ADGRB3: variants seen among roughly 807,000 people sequenced by gnomAD.
ADGRB3 encodes the protein brain-specific angiogenesis inhibitor 3.
In ADGRB3, 37 loss-of-function variants were observed where a neutral mutation model predicts 193.4. The observed-to-expected ratio is 0.19, with a 90% CI of 0.15 to 0.25. The LOEUF (loss-of-function observed/expected upper bound fraction) is 0.25, where lower values mean the gene tolerates loss of function less well. ADGRB3 is among the 10% of genes least tolerant of loss of function. The pLI is 1.00. For synonymous variants in ADGRB3, 690 were observed against 644.2 expected, an observed-to-expected ratio of 1.07 and a Z score of -1.08; for missense variants, 1,637 against 1,852.9, an observed-to-expected ratio of 0.88 and a Z score of 2.14.
chr6:68,993,804 G>T lies in ADGRB3; in HGVS notation c.1771G>T (p.Ala591Ser). Residue 591 changes from alanine (A) to serine (S), a missense_variant, in exon 11 of 32, where the codon GCA becomes TCA. This residue lies in a region of ADGRB3 where 641 missense variants were observed against 673.9 expected (regional missense o/e 0.95). Transcript: ENST00000370598. Reference sequence around the variant, plus strand: ...CCTTGCTAAGGGGCAGCGAATGCTGGCAGGTGATGGAATGTCCCAGGTGAC... The same window carrying T: ...CCTTGCTAAGGGGCAGCGAATGCTGTCAGGTGATGGAATGTCCCAGGTGAC... The part of the protein sequence containing the change: ...EHLAKGQRML[A>S]GDGMSQVTKT... 1 of 1,613,848 alleles carries T rather than the reference G, an allele frequency of 6.2e-7. No homozygotes were observed. The highest frequency in any genetic ancestry group is 8.5e-7 in the Non-Finnish European group (1 of 1,179,788).
At chr6:69,346,027 A>T (rs946196546) in intron 26 of ADGRB3, among the ~76,000 whole-genome samples, 1 of 152,106 alleles carries the variant, frequency 6.6e-6, no homozygotes, top group Non-Finnish European at 1.5e-5. Context: ...AGAATAAAAT[A>T]CAACTTACAA....
chr6:69,335,429 T>G (rs950034537), intron 24 of ADGRB3, among the ~76,000 whole-genome samples: 2 of 152,130 alleles, frequency 1.3e-5, no homozygotes, highest in African/African-American at 2.4e-5. Flanking sequence ...AAATGTTAAC[T>G]TATGTTATAA....
At chr6:69,146,697 T>C (rs1489661989) in intron 17 of ADGRB3, among the ~76,000 whole-genome samples, 2 of 152,232 alleles carry the variant, frequency 1.3e-5, no homozygotes, top group Non-Finnish European at 2.9e-5. Context: ...GTGGCCACTC[T>C]AGATAGGCTG....
rs943688199 is a variant in ADGRB3, at chr6:69,389,502, C to T, written c.*611C>T. ...TTGTATGGTGTAAATAAACTTTTGTCTACATATCAGTTTTTTAGTGCATTT... is the reference window on the plus strand; with the variant it reads ...TTGTATGGTGTAAATAAACTTTTGTTTACATATCAGTTTTTTAGTGCATTT... On this transcript the variant is annotated 3_prime_UTR_variant, in exon 32 of 32. Coordinates refer to ENST00000370598, the MANE Select transcript of ADGRB3 (RefSeq NM_001704.3). The T allele has an allele frequency of 6.6e-6, 1 of 152,364 alleles. No homozygotes were observed. The highest frequency in any genetic ancestry group is 2.4e-5 in the African/African-American group (1 of 41,376). 9.4% of individuals were successfully genotyped at this position (152,364 alleles called of 1,614,324 possible). A position where few individuals can be genotyped will look rare whatever the true frequency, so the allele number is the denominator to read the frequency against.
At chr6:69,351,869 C>T (rs1187726063) in intron 26 of ADGRB3, among the ~76,000 whole-genome samples, 2 of 152,148 alleles carry the variant, frequency 1.3e-5, no homozygotes, top group African/African-American at 4.8e-5. Context: ...GAGTGGTTAG[C>T]AAGGACCATT....
intron 20 of ADGRB3, among the ~76,000 whole-genome samples, chr6:69,242,453 G>A (rs78643471): frequency 0.046 from 6,981 of 151,856 alleles, 218 homozygotes; most frequent in Middle Eastern, 0.13. Flanking sequence ...TCAGTGAGTT[G>A]TCATGGCTAG....
At chr6:69,089,700 G>C (rs1357309868) in intron 17 of ADGRB3, among the ~76,000 whole-genome samples, 2 of 152,128 alleles carry the variant, frequency 1.3e-5, no homozygotes, top group African/African-American at 4.8e-5. Flanking sequence ...CTGTGAGCAT[G>C]GTCCAGGCTG....
chr6:68,687,133 AAATATC>A (rs903071758), intron 3 of ADGRB3, among the ~76,000 whole-genome samples: 1 of 151,994 alleles, frequency 6.6e-6, no homozygotes, highest in Admixed American at 6.6e-5. Flanking sequence ...TATATAGAGA[AAATATC>A]TATATACATG....
intron 13 of ADGRB3, among the ~76,000 whole-genome samples, chr6:69,021,819 T>C (rs569356256): frequency 5.3e-5 from 8 of 151,902 alleles, no homozygotes; most frequent in Non-Finnish European, 1.0e-4. Flanking sequence ...CCTGTCTATA[T>C]TGGCTTTTGA....
intron 13 of ADGRB3, among the ~76,000 whole-genome samples, chr6:69,027,897 T>C (rs948950871): frequency 4.6e-5 from 7 of 152,228 alleles, no homozygotes. Context: ...GACAGATTTA[T>C]ATCAAAAATT....
intron 20 of ADGRB3, among the ~76,000 whole-genome samples, chr6:69,315,449 G>A (rs895608056): frequency 3.3e-5 from 5 of 151,462 alleles, no homozygotes; most frequent in South Asian, 2.1e-4. Flanking sequence ...CATTTATCAA[G>A]CACTTACTAT....
chr6:68,764,560 A>G (rs1203434064), intron 3 of ADGRB3, among the ~76,000 whole-genome samples: 1 of 152,196 alleles, frequency 6.6e-6, no homozygotes, highest in African/African-American at 2.4e-5. Flanking sequence ...GATTATCAAG[A>G]GGAACCACAA....
intron 17 of ADGRB3, among the ~76,000 whole-genome samples, chr6:69,123,617 G>C (rs1348708365): frequency 6.6e-6 from 1 of 152,152 alleles, no homozygotes; most frequent in Non-Finnish European, 1.5e-5. Flanking sequence ...ATCAATAATG[G>C]GGTGATAAGA....
chr6:68,745,586 A>T (rs1766068136), intron 3 of ADGRB3, among the ~76,000 whole-genome samples: 1 of 152,122 alleles, frequency 6.6e-6, no homozygotes, highest in African/African-American at 2.4e-5. Flanking sequence ...GAATTAAAAA[A>T]TATTCTCAGT....
chr6:69,327,570 A>T (rs1768604000), intron 21 of ADGRB3, among the ~76,000 whole-genome samples: 1 of 152,200 alleles, frequency 6.6e-6, no homozygotes, highest in African/African-American at 2.4e-5. Context: ...TATTACTTCC[A>T]TTTAAACCCG....
At chr6:68,882,104 T>A (rs143369493) in intron 3 of ADGRB3, among the ~76,000 whole-genome samples, 1 of 152,298 alleles carries the variant, frequency 6.6e-6, no homozygotes, top group East Asian at 1.9e-4. Context: ...GATTTAGAAA[T>A]GTTACATTCC....
intron 3 of ADGRB3, among the ~76,000 whole-genome samples, chr6:68,910,536 T>G (rs552035502): frequency 0.032 from 4,799 of 152,252 alleles, 109 homozygotes; most frequent in Non-Finnish European, 0.046. Flanking sequence ...TTTATGGTTT[T>G]AGGTCTAACA....
intron 13 of ADGRB3, among the ~76,000 whole-genome samples, chr6:69,024,830 C>A (rs1283627180): frequency 6.6e-6 from 1 of 152,142 alleles, no homozygotes; most frequent in African/African-American, 2.4e-5. Flanking sequence ...CGGTGGCTCA[C>A]GCCTGTAATC....
intron 20 of ADGRB3, among the ~76,000 whole-genome samples, chr6:69,308,663 G>C (rs1768116468): frequency 6.6e-6 from 1 of 151,472 alleles, no homozygotes; most frequent in Non-Finnish European, 1.5e-5. Flanking sequence ...GAGTGGTAAA[G>C]AAAAAATAAA....
Sources: allele counts gnomAD v4.1 joint callset (sites outside exome capture counted in the v4.1 genomes callset), GRCh38; gene constraint gnomAD v4.1.1; regional missense constraint gnomAD v4.1.1; transcripts MANE v1.5; gene names NCBI Gene and HGNC (gene_info 2026-07-23, HGNC 2026-07-21).